CDIN1: variants seen among roughly 807,000 people sequenced by gnomAD.
CDIN1 encodes CDAN1 interacting nuclease 1.
A neutral mutation model predicts 45.3 loss-of-function variants in CDIN1; 33 were observed. The ratio of observed to expected loss-of-function variants is 0.73; its 90% CI spans 0.55 to 0.97. The LOEUF is 0.97. CDIN1 is among the 50% of genes least tolerant of loss of function. The pLI is 0.00. For missense variants in CDIN1, 303 were observed against 339.4 expected, an observed-to-expected ratio of 0.89 and a Z score of 0.84; for synonymous variants, 118 against 124.4, an observed-to-expected ratio of 0.95 and a Z score of 0.34.
At chr15:36,644,184 C>A in intron 1 of CDIN1, 94 bp from the exon 2 acceptor site, 2 of 1,166,512 alleles carry the variant, frequency 1.7e-6, no homozygotes, top group Non-Finnish European at 2.5e-6. Context: ...TGTTAGATTA[C>A]AGGGCAGCAG....
intron 10 of CDIN1, among the ~76,000 whole-genome samples, chr15:36,765,057 C>CTTTTTTTTTTTTTTTTTTTTTTTT (rs377685100): frequency 1.4e-5 from 2 of 139,644 alleles, no homozygotes; most frequent in African/African-American, 5.3e-5. Flanking sequence ...ATTTTTCTTT[C>CTTTTTTTTTTTTTTTTTTTTTTTT]TTTCTTTTTT....
At chr15:36,748,186 T>C (rs1365903071) in intron 10 of CDIN1, among the ~76,000 whole-genome samples, 2 of 152,200 alleles carry the variant, frequency 1.3e-5, no homozygotes, top group African/African-American at 4.8e-5. Flanking sequence ...TTGAGTGAGC[T>C]TAGATATACA....
At chr15:36,706,055 C>T (rs1220968999) in intron 8 of CDIN1, 2 of 152,110 alleles carry the variant, frequency 1.3e-5, no homozygotes, top group African/African-American at 4.8e-5. Flanking sequence ...GTTACTTAAA[C>T]ATCTAGTTTC....
At chr15:36,720,575 G>C (rs369352416) in intron 10 of CDIN1, among the ~76,000 whole-genome samples, 2 of 152,052 alleles carry the variant, frequency 1.3e-5, no homozygotes, top group East Asian at 3.9e-4. Flanking sequence ...ATGGTTGCCA[G>C]CTTCATCCAT....
intron 1 of CDIN1, among the ~76,000 whole-genome samples, chr15:36,622,620 T>C (rs1218033339): frequency 3.3e-5 from 5 of 152,094 alleles, no homozygotes; most frequent in Admixed American, 3.3e-4. Flanking sequence ...GTTATAGACT[T>C]GAGGAAACAT....
chr15:36,619,555 C>G (rs544452507), intron 1 of CDIN1, among the ~76,000 whole-genome samples: 29 of 148,046 alleles, frequency 2.0e-4, no homozygotes, highest in African/African-American at 6.7e-4. Context: ...TGTATTTTTT[C>G]TATTTTTGTT....
intron 10 of CDIN1, among the ~76,000 whole-genome samples, chr15:36,732,882 A>G (rs1430848001): frequency 1.3e-5 from 2 of 152,216 alleles, no homozygotes; most frequent in African/African-American, 4.8e-5. Context: ...GTTTATTCAA[A>G]AAATCATCTA....
chr15:36,801,516 G>T (rs1348055874), intron 10 of CDIN1, among the ~76,000 whole-genome samples: 1 of 151,956 alleles, frequency 6.6e-6, no homozygotes, highest in Non-Finnish European at 1.5e-5. Context: ...TTCTTTTCTG[G>T]GAAAACAAAT....
chr15:36,799,534 T>C (rs927718178), intron 10 of CDIN1: 3 of 152,198 alleles, frequency 2.0e-5, no homozygotes, highest in Non-Finnish European at 4.4e-5. Flanking sequence ...TTTAAAGGGC[T>C]GATGTGAATA....
intron 3 of CDIN1, among the ~76,000 whole-genome samples, chr15:36,651,861 A>G (rs1244739155): frequency 6.6e-6 from 1 of 152,232 alleles, no homozygotes; most frequent in Non-Finnish European, 1.5e-5. Flanking sequence ...GACTATATAG[A>G]TACAGAGGAT....
At chr15:36,730,654 A>G (rs1215491093) in intron 10 of CDIN1, among the ~76,000 whole-genome samples, 1 of 152,128 alleles carries the variant, frequency 6.6e-6, no homozygotes, top group Non-Finnish European at 1.5e-5. Context: ...TTCAATCAGT[A>G]TAAAAGCCTC....
At chr15:36,708,232 G>A (rs533713721) in intron 8 of CDIN1, 6 of 152,232 alleles carry the variant, frequency 3.9e-5, no homozygotes, top group African/African-American at 9.6e-5. Flanking sequence ...ATGCAGGAAG[G>A]CGAATGGGAT....
chr15:36,682,796 AAAG>A (rs1027002040), intron 5 of CDIN1, among the ~76,000 whole-genome samples: 27 of 152,010 alleles, frequency 1.8e-4, no homozygotes, highest in African/African-American at 5.1e-4. Flanking sequence ...AGAAAAAAGA[AAAG>A]AATGATGTTT....
At chr15:36,757,518 G>A (rs1202165795) in intron 10 of CDIN1, among the ~76,000 whole-genome samples, 1 of 152,062 alleles carries the variant, frequency 6.6e-6, no homozygotes, top group Non-Finnish European at 1.5e-5. Context: ...AATATAAATG[G>A]GAAATTCCAG....
chr15:36,623,419 C>T (rs1595381258), intron 1 of CDIN1, among the ~76,000 whole-genome samples: 1 of 152,142 alleles, frequency 6.6e-6, no homozygotes, highest in African/African-American at 2.4e-5. Flanking sequence ...TATTTATTTA[C>T]AGCCAGTAGT....
chr15:36,766,482 A>G (rs771120406), intron 10 of CDIN1, among the ~76,000 whole-genome samples: 2 of 152,192 alleles, frequency 1.3e-5, no homozygotes, highest in Non-Finnish European at 2.9e-5. Flanking sequence ...GACCCTCCAT[A>G]CTATTTTTCA....
chr15:36,722,691 T>C (rs972482087), intron 10 of CDIN1, among the ~76,000 whole-genome samples: 6 of 152,194 alleles, frequency 3.9e-5, no homozygotes, highest in Admixed American at 3.3e-4. Context: ...GAATGGATAA[T>C]GTATAAGTGA....
chr15:36,641,107 C>T (rs1279358357), intron 1 of CDIN1: 1 of 152,172 alleles, frequency 6.6e-6, no homozygotes, highest in Non-Finnish European at 1.5e-5. Context: ...TCAAGTGTTC[C>T]ATCTTGTACA....
At chr15:36,612,617 G>A (rs954771851) in intron 1 of CDIN1, among the ~76,000 whole-genome samples, 7 of 152,126 alleles carry the variant, frequency 4.6e-5, no homozygotes, top group African/African-American at 7.2e-5. Context: ...GGTGAGTCAC[G>A]TAGCCTTTTA....
Sources: allele counts gnomAD v4.1 joint callset (sites outside exome capture counted in the v4.1 genomes callset), GRCh38; gene constraint gnomAD v4.1.1; transcripts MANE v1.5; gene names NCBI Gene and HGNC (gene_info 2026-07-23, HGNC 2026-07-21).